The following PPIH variants were observed in gnomAD, a reference collection of about 807,000 sequenced individuals.
PPIH encodes peptidyl-prolyl cis-trans isomerase H.
Under a neutral mutation model 27.6 loss-of-function variants are expected in PPIH, and 16 were observed. That is an observed-to-expected ratio of 0.58 (90% confidence interval 0.39 to 0.88). The LOEUF (loss-of-function observed/expected upper bound fraction) is 0.88. Among genes scored for constraint, PPIH ranks in the 40% least tolerant of loss-of-function variants. The pLI, the probability that PPIH is intolerant of heterozygous loss-of-function variation, is 0.00. For missense variants in PPIH, 155 were observed against 224.1 expected, an observed-to-expected ratio of 0.69 and a Z score of 1.97; for synonymous variants, 63 against 76.1, an observed-to-expected ratio of 0.83 and a Z score of 0.90.
At chr1:42,669,368 C>G (rs1649511326) in intron 9 of PPIH, among the ~76,000 whole-genome samples, 1 of 152,142 alleles carries the variant, frequency 6.6e-6, no homozygotes. Context: ...AAATCTGTTT[C>G]ATGCACAAAC....
chr1:42,662,058 T>C (rs551450422), intron 5 of PPIH, among the ~76,000 whole-genome samples: 1 of 152,198 alleles, frequency 6.6e-6, no homozygotes, highest in African/African-American at 2.4e-5. Flanking sequence ...GGGAAACAGA[T>C]AATGGTAGTA....
intron 9 of PPIH, among the ~76,000 whole-genome samples, chr1:42,673,257 T>C (rs1428836850): frequency 6.6e-6 from 1 of 152,218 alleles, no homozygotes; most frequent in African/African-American, 2.4e-5. Flanking sequence ...AGTGCTGGAA[T>C]TACAGGCATG....
At chr1:42,675,939 A>C (rs550282364) in intron 9 of PPIH, among the ~76,000 whole-genome samples, 1 of 152,350 alleles carries the variant, frequency 6.6e-6, no homozygotes, top group Non-Finnish European at 1.5e-5. Context: ...GACTTCAGTC[A>C]AGCCATGAAA....
rs1649395683 is a variant in PPIH, at chr1:42,667,341, T to C, written c.466-10T>C. The C allele has an allele frequency of 6.3e-7, 1 of 1,594,834 alleles. No homozygotes were observed. The highest frequency in any genetic ancestry group is 8.6e-7 in the Non-Finnish European group (1 of 1,162,722). ...GAGTGGATGAATCTCCATTGTGCTT[T>C]TTTTCCTAGAATGTTCCCACAGGCC... On this transcript the variant is annotated splice_polypyrimidine_tract_variant and intron_variant, in intron 8 of 9. Transcript: ENST00000304979.
chr1:42,674,031 A>T (rs750261146), intron 9 of PPIH, among the ~76,000 whole-genome samples: 2 of 152,238 alleles, frequency 1.3e-5, no homozygotes, highest in Non-Finnish European at 2.9e-5. Context: ...TCCACAACTA[A>T]GCGCTGATGA....
chr1:42,666,557 C>T lies in PPIH; in HGVS notation c.435C>T (p.Ile145=), dbSNP rs1227362386. Residue 145 remains isoleucine, a synonymous_variant, in exon 8 of 10, where the codon ATC becomes ATT. Transcript: ENST00000304979. ...DGKHVVFGKI[I]DGLLVMRKIE... ...ATGCTCTTCCTACAGGAAAAATCATCGATGGACTTCTAGTGATGAGAAAGA... is the reference window on the plus strand; with the variant it reads ...ATGCTCTTCCTACAGGAAAAATCATTGATGGACTTCTAGTGATGAGAAAGA... 21 of 1,613,644 alleles carry T rather than the reference C, an allele frequency of 1.3e-5. No homozygotes were observed. Among genetic ancestry groups the T allele is most frequent in the Non-Finnish European group, 1.6e-5 (19 of 1,179,766 alleles).
chr1:42,671,900 T>TC (rs987224740), intron 9 of PPIH, among the ~76,000 whole-genome samples: 1 of 140,162 alleles, frequency 7.1e-6, no homozygotes, highest in African/African-American at 2.7e-5. Context: ...TTTTTTTTTT[T>TC]CGAGACGGAG....
rs1240696051 is a variant in PPIH at position 42,676,714 on chromosome 1, T to A, written c.*152T>A. On this transcript the variant is annotated 3_prime_UTR_variant, in exon 10 of 10. Transcript: ENST00000304979. Reference sequence around the variant, plus strand: ...GTGTCAGAGATTCAGAATCCAAGATTGTCTTTAAGTTTTCAACTGTAAATA... The same window carrying A: ...GTGTCAGAGATTCAGAATCCAAGATAGTCTTTAAGTTTTCAACTGTAAATA... 6.6e-6 allele frequency: 1 copy of A among 152,070 alleles called. No homozygotes were observed. The highest frequency in any genetic ancestry group is 1.9e-4 in the East Asian group (1 of 5,194). 9.4% of individuals were successfully genotyped at this position (152,070 alleles called of 1,614,324 possible).
chr1:42,675,780 C>G (rs952874348), intron 9 of PPIH, among the ~76,000 whole-genome samples: 1 of 152,134 alleles, frequency 6.6e-6, no homozygotes, highest in African/African-American at 2.4e-5. Context: ...GTGGACTTCC[C>G]TTTCTCTTTA....
intron 9 of PPIH, among the ~76,000 whole-genome samples, chr1:42,669,921 G>A (rs2148721451): frequency 1.3e-5 from 2 of 152,222 alleles, no homozygotes; most frequent in Admixed American, 1.3e-4. Context: ...GTTAAGATAG[G>A]ACTTTTTCTT....
rs1196578341 is a variant in PPIH at position 42,676,641 on chromosome 1, TTTG to T, written c.*80_*82del. On this transcript the variant is annotated 3_prime_UTR_variant, in exon 10 of 10. Transcript: ENST00000304979. ...AAGATAATCTGGACTGGCCCCCGTC[TTTG>T]CTTCCCTGCCTGCTGCTGCCCCATT... 1.3e-5 allele frequency: 2 copies of T among 151,908 alleles called. No homozygotes were observed. Among genetic ancestry groups the T allele is most frequent in the African/African-American group, 4.8e-5 (2 of 41,312 alleles). 9.4% of individuals were successfully genotyped at this position (151,908 alleles called of 1,614,324 possible). A position where few individuals can be genotyped will look rare whatever the true frequency, so the allele number is the denominator to read the frequency against.
At chr1:42,675,107 C>G (rs189455916) in intron 9 of PPIH, among the ~76,000 whole-genome samples, 12 of 152,320 alleles carry the variant, frequency 7.9e-5, no homozygotes, top group Middle Eastern at 3.4e-3. Context: ...TTTTGAATGA[C>G]TTTCAGGAAT....
At chr1:42,680,637 A>G (rs923015984), downstream of PPIH, among the ~76,000 whole-genome samples, 1 of 152,194 alleles carries the variant, frequency 6.6e-6, no homozygotes, top group African/African-American at 2.4e-5. Context: ...AGAGTAAGAA[A>G]GAGGTAGAGA....
chr1:42,680,888 A>T (rs534487317), downstream of PPIH, among the ~76,000 whole-genome samples: 49 of 152,306 alleles, frequency 3.2e-4, no homozygotes, highest in South Asian at 9.7e-3. Flanking sequence ...CTCACAGAAA[A>T]AGGTTCCTAC....
At chr1:42,660,641 G>C (rs1290494272) in intron 4 of PPIH, among the ~76,000 whole-genome samples, 2 of 152,162 alleles carry the variant, frequency 1.3e-5, no homozygotes, top group Admixed American at 6.5e-5. Context: ...TGTTGGCCAG[G>C]CTGGTCTCAA....
intron 2 of PPIH, 112 bp from the exon 3 acceptor site, chr1:42,659,116 G>C: frequency 6.6e-7 from 1 of 1,523,202 alleles, no homozygotes; most frequent in Non-Finnish European, 9.0e-7. Context: ...TGGACGTCTG[G>C]CTGGCCGATT....
downstream of PPIH, among the ~76,000 whole-genome samples, chr1:42,677,742 T>C (rs1445783776): frequency 6.6e-6 from 1 of 152,108 alleles, no homozygotes; most frequent in African/African-American, 2.4e-5. Flanking sequence ...AGGAGGATGC[T>C]TGAGCCTAGG....
intron 9 of PPIH, 150 bp downstream of exon 9, chr1:42,667,590 C>A: frequency 1.6e-6 from 1 of 613,050 alleles, no homozygotes; most frequent in Non-Finnish European, 2.9e-6. Flanking sequence ...TCTCTGAGCA[C>A]ATTTCCTCAT....
At chr1:42,660,184 A>C (rs895117519) in intron 4 of PPIH, among the ~76,000 whole-genome samples, 16 of 152,154 alleles carry the variant, frequency 1.1e-4, no homozygotes, top group South Asian at 6.2e-4. Flanking sequence ...AAGCCCTTAC[A>C]TGTTTAGCAG....
Sources: gnomAD v4.1 joint callset for allele counts (sites outside exome capture counted in the v4.1 genomes callset) on GRCh38, gnomAD v4.1.1 for gene constraint, MANE v1.5 for transcripts, NCBI Gene and HGNC (gene_info 2026-07-23, HGNC 2026-07-21) for gene names.